CSF1R: variants seen among roughly 807,000 people sequenced by gnomAD.
CSF1R encodes macrophage colony-stimulating factor 1 receptor.
CSF1R carries 40 observed loss-of-function variants against 110.0 expected under a neutral mutation model. The ratio of observed to expected loss-of-function variants is 0.36; its 90% confidence interval spans 0.28 to 0.47. The LOEUF (loss-of-function observed/expected upper bound fraction) is 0.47, where lower values mean the gene tolerates loss of function less well. Among genes scored for constraint, CSF1R ranks in the 20% least tolerant of loss-of-function variants. The pLI, the probability that CSF1R is intolerant of heterozygous loss-of-function variation, is 0.99. For synonymous variants in CSF1R, 523 were observed against 503.4 expected (o/e 1.04, Z -0.52); for missense variants, 1,052 against 1,253.0 (o/e 0.84, Z 2.42).
At chr5:150,098,881 T>C (rs1581346769) in intron 1 of CSF1R, among the ~76,000 whole-genome samples, 1 of 142,036 alleles carries the variant, frequency 7.0e-6, no homozygotes, top group South Asian at 2.3e-4. Flanking sequence ...AGGATGAGAA[T>C]ACAAACAACT....
In CSF1R at chr5:150,093,179, A is replaced by C. The variant is rs556348538; in HGVS notation, c.-180-6572T>G. 3.3e-5 allele frequency among the ~76,000 whole-genome samples: 5 copies of C among 152,232 alleles called. No individual in the cohort carries two copies. The South Asian group carries it at 1.0e-3, about 32-fold the overall frequency. On this transcript the variant is annotated intron_variant, in intron 1 of 21. Transcript: ENST00000286301. ...CTGCAACTTCCACCTCCCAGGTTCAAGCGATTCTCACGCATCAGCCTCCCA... is the reference window on the plus strand; with the variant it reads ...CTGCAACTTCCACCTCCCAGGTTCACGCGATTCTCACGCATCAGCCTCCCA...
Position 150,054,329 on chromosome 5 carries a change from C to G in CSF1R, c.2756G>C (p.Arg919Thr), listed in dbSNP as rs922508428. ...FLQEQAQEDR[R>T]ERDYTNLPSS... ...AAGCCTCACCCCACTCACCCGCTCTCTCCTGTCCTCTTGGGCCTGCTCCTG... is the reference window on the plus strand; with the variant it reads ...AAGCCTCACCCCACTCACCCGCTCTGTCCTGTCCTCTTGGGCCTGCTCCTG... The change falls in exon 20 of 21, where the codon AGA becomes ACA. Residue 919 changes from arginine (R) to threonine (T), a missense_variant. Transcript: ENST00000675795. 5 of 1,614,192 alleles carry G rather than the reference C, an allele frequency of 3.1e-6. No homozygotes were observed. In the African/African-American group the frequency reaches 4.0e-5, roughly 13 times the overall value.
At chr5:150,103,363 G>A (rs1040371410) in intron 1 of CSF1R, among the ~76,000 whole-genome samples, 10 of 152,242 alleles carry the variant, frequency 6.6e-5, no homozygotes, top group African/African-American at 1.4e-4. Flanking sequence ...CCCTCAGGCA[G>A]CTCTGTTCCC....
intron 10 of CSF1R, among the ~76,000 whole-genome samples, chr5:150,067,712 C>CGCTTGTATA (rs1757834980): frequency 6.6e-6 from 1 of 152,210 alleles, no homozygotes; most frequent in Non-Finnish European, 1.5e-5. Context: ...GGGGACACCA[C>CGCTTGTATA]GCTTGTATAT....
chr5:150,092,714 A>G (rs1048132366), intron 1 of CSF1R, among the ~76,000 whole-genome samples: 1 of 152,182 alleles, frequency 6.6e-6, no homozygotes, highest in Admixed American at 6.5e-5. Flanking sequence ...AACTGCCCCC[A>G]TGATTCAATT....
chr5:150,057,929 G>T (rs1757327182), intron 14 of CSF1R, among the ~76,000 whole-genome samples: 1 of 152,170 alleles, frequency 6.6e-6, no homozygotes, highest in South Asian at 2.1e-4. Context: ...AGCCCTACTA[G>T]AATTGGGGCA....
At chr5:150,060,531 G>A (rs562169139) in intron 13 of CSF1R, among the ~76,000 whole-genome samples, 10 of 152,012 alleles carry the variant, frequency 6.6e-5, no homozygotes, top group Non-Finnish European at 1.0e-4. Flanking sequence ...TCCTTGAATG[G>A]AAGCTTCATA....
intron 1 of CSF1R, among the ~76,000 whole-genome samples, chr5:150,093,970 G>A (rs1759129871): frequency 6.6e-6 from 1 of 151,834 alleles, no homozygotes; most frequent in South Asian, 2.1e-4. Context: ...GGCTGAGGCA[G>A]GAGAAGTGCT....
At chr5:150,054,803 A>T (rs1433602136) in intron 19 of CSF1R, 1 of 255,868 alleles carries the variant, frequency 3.9e-6, no homozygotes, top group African/African-American at 2.3e-5. Flanking sequence ...CCTGGACAAC[A>T]TAGTGAGATC....
At chr5:150,110,632 A>T (rs1424816144) in intron 1 of CSF1R, among the ~76,000 whole-genome samples, 1 of 152,272 alleles carries the variant, frequency 6.6e-6, no homozygotes, top group African/African-American at 2.4e-5. Context: ...GTTGAAGATT[A>T]TAGCTATATT....
chr5:150,069,986 A>C lies in CSF1R; in HGVS notation c.1397T>G (p.Val466Gly), dbSNP rs779109656. 5 of 1,613,934 alleles carry C rather than the reference A, an allele frequency of 3.1e-6. No homozygotes were observed. Among genetic ancestry groups the C allele is most frequent in the South Asian group, 1.1e-5 (1 of 91,080 alleles). Reference protein sequence around the residue: ...EVLSQEPFHKVTVQSLLTVET... With the variant: ...EVLSQEPFHKGTVQSLLTVET... ...AACAGTCAGCAGGCTCTGCACCGTC[A>C]CCTTGTGGAAGGGCTCCTGGCTCAG... Residue 466 changes from valine (V) to glycine (G), a missense_variant, in exon 9 of 21, where the codon GTG becomes GGG. Physicochemically the swap from Val to Gly is moderately radical, Grantham distance 109 (BLOSUM62 -3). Around this residue, in one of 5 missense-constraint regions of CSF1R, gnomAD observed 693 missense variants for 735.4 expected, o/e 0.94. Transcript: ENST00000675795.
At chr5:150,092,916 C>T (rs1414782077) in intron 1 of CSF1R, among the ~76,000 whole-genome samples, 6 of 151,454 alleles carry the variant, frequency 4.0e-5, no homozygotes, top group South Asian at 2.1e-4. Flanking sequence ...ATAAAAGCCA[C>T]GTGAATGTAG....
In CSF1R at chr5:150,080,895, A is replaced by G. The variant is rs1308547474; in HGVS notation, c.179T>C (p.Leu60Pro). ...WDGPPSPHWT[L>P]YSDGSSSILS... ...GATGCTGCTGGAGCCATCAGAGTAC[A>G]GGGTCCAGTGAGGTGATGGGGGGCC... The change falls in exon 2 of 21, where the codon CTG (leucine) becomes CCG (proline). Residue 60 changes from leucine to proline, a missense_variant. By Grantham distance (98) the Leu-to-Pro change is moderately conservative (BLOSUM62 -3). Around this residue, in one of 5 missense-constraint regions of CSF1R, gnomAD observed 693 missense variants for 735.4 expected, o/e 0.94. Coordinates refer to ENST00000675795, the MANE Select transcript of CSF1R (RefSeq NM_001288705.3). The G allele has an allele frequency of 1.5e-5, 25 of 1,614,062 alleles. No individual in the cohort carries two copies. The highest frequency in any genetic ancestry group is 2.2e-5 in the East Asian group (1 of 44,882).
rs756763314 is a variant in CSF1R, at chr5:150,073,440, C to A, written c.943G>T (p.Val315Leu). Residue 315 changes from valine to leucine, a missense_variant, in exon 6 of 21, where the codon GTG (valine) becomes TTG (leucine). This residue lies in a region of CSF1R where 693 missense variants were observed against 735.4 expected (regional missense o/e 0.94). Coordinates refer to ENST00000675795, the MANE Select transcript of CSF1R (RefSeq NM_001288705.3). ...SEQNLIQEVT[V>L]GEGLNLKVMV... ...ACTTTGAGGTTGAGCCCCTCCCCCACGGTCACCTCCTGGATGAGGTTCTGC... is the reference window on the plus strand; with the variant it reads ...ACTTTGAGGTTGAGCCCCTCCCCCAAGGTCACCTCCTGGATGAGGTTCTGC... The A allele has an allele frequency of 6.2e-7, 1 of 1,614,028 alleles. No homozygotes were observed. Among genetic ancestry groups the A allele is most frequent in the African/African-American group, 1.3e-5 (1 of 74,916 alleles).
At chr5:150,083,266 C>T (rs912827487) in intron 1 of CSF1R, among the ~76,000 whole-genome samples, 3 of 151,024 alleles carry the variant, frequency 2.0e-5, no homozygotes, top group Admixed American at 6.6e-5. Context: ...CCATGCCCCA[C>T]ACCTCTCCAC....
At chr5:150,063,284 G>A (rs1307058069) in intron 10 of CSF1R, among the ~76,000 whole-genome samples, 4 of 152,154 alleles carry the variant, frequency 2.6e-5, no homozygotes, top group South Asian at 4.1e-4. Context: ...TGGGATTACA[G>A]GCATGAGCTA....
At chr5:150,060,803 G>C (rs1162095040) in intron 13 of CSF1R, 59 bp downstream of exon 13, 23 of 1,123,078 alleles carry the variant, frequency 2.0e-5, no homozygotes, top group Non-Finnish European at 3.9e-6. Context: ...GTAGCCCTGG[G>C]GCCCTGAGAT....
intron 5 of CSF1R, among the ~76,000 whole-genome samples, chr5:150,075,030 C>T (rs1287875167): frequency 6.6e-6 from 1 of 152,168 alleles, no homozygotes; most frequent in Non-Finnish European, 1.5e-5. Flanking sequence ...CTACTCAGTG[C>T]TCCAGGACAC....
chr5:150,090,128 T>C (rs959930082), upstream of CSF1R, among the ~76,000 whole-genome samples: 18 of 152,156 alleles, frequency 1.2e-4, no homozygotes, highest in Admixed American at 2.6e-4. Flanking sequence ...AAATGATTTC[T>C]CAGATATGTT....
Sources: gnomAD v4.1 joint callset for allele counts (sites outside exome capture counted in the v4.1 genomes callset) on GRCh38, gnomAD v4.1.1 for gene constraint, gnomAD v4.1.1 regional missense constraint, MANE v1.5 for transcripts, NCBI Gene and HGNC (gene_info 2026-07-23, HGNC 2026-07-21) for gene names.